Variants in APBA1 observed in about 807,000 individuals in gnomAD.
The protein encoded by APBA1 is amyloid beta precursor protein binding family A member 1.
APBA1 carries 55 observed loss-of-function variants against 86.6 expected under a neutral mutation model. That is an observed-to-expected ratio of 0.64 (90% CI 0.51 to 0.80). The LOEUF is 0.80. Among genes scored for constraint, APBA1 ranks in the 30% least tolerant of loss-of-function variants. APBA1 has a pLI of 0.00. For missense variants in APBA1, 1,090 were observed against 1,183.0 expected (o/e 0.92, Z 1.15); for synonymous variants, 511 against 493.9 (o/e 1.03, Z -0.46).
intron 1 of APBA1, among the ~76,000 whole-genome samples, chr9:69,521,519 C>T (rs1246974280): frequency 2.0e-5 from 3 of 152,088 alleles, no homozygotes; most frequent in Admixed American, 6.6e-5. Flanking sequence ...TTCAGGAAGT[C>T]CCCATTCTAG....
At chr9:69,464,365 A>C (rs1326205023) in intron 5 of APBA1, 1 of 152,280 alleles carries the variant, frequency 6.6e-6, no homozygotes, top group East Asian at 1.9e-4. Flanking sequence ...AATGATACTT[A>C]TAAGTTATAA....
intron 9 of APBA1, among the ~76,000 whole-genome samples, chr9:69,450,816 T>C (rs1422774374): frequency 6.6e-6 from 1 of 151,480 alleles, no homozygotes; most frequent in East Asian, 1.9e-4. Context: ...TTGTCTGTCA[T>C]GGGTATCAAA....
intron 1 of APBA1, among the ~76,000 whole-genome samples, chr9:69,574,505 T>C (rs979604999): frequency 1.3e-5 from 2 of 152,134 alleles, no homozygotes; most frequent in Non-Finnish European, 2.9e-5. Context: ...GCCTGCCCCA[T>C]AAAGCAAATG....
chr9:69,654,073 T>C lies in APBA1; in HGVS notation c.-70+18080A>G, dbSNP rs1197931627. On this transcript the variant is annotated intron_variant, in intron 1 of 12. Transcript: ENST00000265381. The stretch of plus-strand genomic sequence containing the variant: ...GTTGCGGTGAGCCGAGATCACACCA[T>C]TGCACTCCAGCCTCGGCAACGAGAG... Among the ~76,000 whole-genome samples the C allele has an allele frequency of 3.5e-5, 5 of 141,630 alleles. 1 individual carries two copies. The highest frequency in any genetic ancestry group is 7.5e-5 in the Non-Finnish European group (5 of 66,712). 92.9% of individuals were successfully genotyped at this position (141,630 alleles called of 152,430 possible). A position where few individuals can be genotyped will look rare whatever the true frequency, so the allele number is the denominator to read the frequency against.
At chr9:69,671,714 G>A (rs979945429) in intron 1 of APBA1, among the ~76,000 whole-genome samples, 1 of 152,068 alleles carries the variant, frequency 6.6e-6, no homozygotes, top group Non-Finnish European at 1.5e-5. Flanking sequence ...CCACCTCACC[G>A]TTTCCATCAT....
chr9:69,554,603 A>G (rs568850041), intron 1 of APBA1, among the ~76,000 whole-genome samples: 33 of 152,304 alleles, frequency 2.2e-4, no homozygotes, highest in Middle Eastern at 3.4e-3. Flanking sequence ...ATATTATACA[A>G]CAAAGACCTA....
At chr9:69,653,345 A>G (rs1322775563) in intron 1 of APBA1, among the ~76,000 whole-genome samples, 6 of 152,230 alleles carry the variant, frequency 3.9e-5, no homozygotes, top group Admixed American at 3.9e-4. Flanking sequence ...GAGGTTGACT[A>G]CAATACAATA....
At chr9:69,569,763 G>GA (rs955078692) in intron 1 of APBA1, among the ~76,000 whole-genome samples, 1 of 151,622 alleles carries the variant, frequency 6.6e-6, no homozygotes, top group Non-Finnish European at 1.5e-5. Flanking sequence ...GCTTAAAATG[G>GA]AAAAAAATTT....
rs191382074 is a variant in APBA1 at position 69,492,461 on chromosome 9, T to C, written c.1201-16318A>G. ...TCTCGTTTCCTTCCTTATTAAAATT[T>C]TATTCACGGGTAAAATTGAAAAGCA... On this transcript the variant is annotated intron_variant, in intron 2 of 12. Coordinates refer to ENST00000265381, the MANE Select transcript of APBA1 (RefSeq NM_001163.4). Among the ~76,000 whole-genome samples the C allele has an allele frequency of 6.6e-5, 10 of 152,238 alleles. No homozygotes were observed. The East Asian group carries it at 1.9e-3, about 29-fold the overall frequency.
chr9:69,459,240 T>C (rs113764696), intron 5 of APBA1, among the ~76,000 whole-genome samples: 3 of 152,374 alleles, frequency 2.0e-5, no homozygotes, highest in African/African-American at 7.2e-5. Context: ...GGATGTGTCA[T>C]GTGCACTTCA....
At chr9:69,431,466 G>A in intron 12 of APBA1, 68 bp from the exon 13 acceptor site, 3 of 1,418,936 alleles carry the variant, frequency 2.1e-6, no homozygotes, top group Middle Eastern at 1.8e-4. Context: ...CACTGCCCAG[G>A]GCTGGCCAGA....
chr9:69,625,831 T>C (rs1822917699), intron 1 of APBA1, among the ~76,000 whole-genome samples: 1 of 152,190 alleles, frequency 6.6e-6, no homozygotes, highest in South Asian at 2.1e-4. Context: ...GAGCAACATA[T>C]GTCACTGGGC....
intron 1 of APBA1, among the ~76,000 whole-genome samples, chr9:69,576,291 T>A (rs1220230661): frequency 3.9e-5 from 6 of 152,172 alleles, no homozygotes; most frequent in African/African-American, 1.4e-4. Context: ...ATTGTGGAAG[T>A]CAGTGTGGCG....
intron 3 of APBA1, 142 bp downstream of exon 3, chr9:69,475,906 C>A: frequency 1.4e-6 from 1 of 703,386 alleles, no homozygotes; most frequent in South Asian, 1.6e-5. Flanking sequence ...GTGAACTGCA[C>A]ACTGGAGAGG....
At chr9:69,456,058 C>T (rs1835090575) in intron 8 of APBA1, among the ~76,000 whole-genome samples, 189 bp downstream of exon 8, 1 of 152,206 alleles carries the variant, frequency 6.6e-6, no homozygotes, top group Non-Finnish European at 1.5e-5. Context: ...TTTTCTGCCT[C>T]CTTTCAGCCC....
chr9:69,570,397 T>G (rs1490305023), intron 1 of APBA1, among the ~76,000 whole-genome samples: 1 of 152,224 alleles, frequency 6.6e-6, no homozygotes, highest in African/African-American at 2.4e-5. Context: ...AAGGATCTAT[T>G]TGGATCCTCA....
At chr9:69,605,275 A>G (rs1176678740) in intron 1 of APBA1, among the ~76,000 whole-genome samples, 2 of 152,220 alleles carry the variant, frequency 1.3e-5, no homozygotes, top group Admixed American at 6.5e-5. Flanking sequence ...CAGTAAAAAA[A>G]AAAATTATCT....
intron 1 of APBA1, among the ~76,000 whole-genome samples, chr9:69,569,381 G>A (rs550841603): frequency 2.6e-4 from 39 of 152,110 alleles, no homozygotes; most frequent in Non-Finnish European, 5.1e-4. Flanking sequence ...GTGTACAGGA[G>A]GGCTATTTTG....
intron 1 of APBA1, among the ~76,000 whole-genome samples, chr9:69,669,655 G>A (rs1297644024): frequency 6.6e-6 from 1 of 152,184 alleles, no homozygotes; most frequent in Non-Finnish European, 1.5e-5. Context: ...TGTGCCTATT[G>A]TCCCAGCTAC....
Sources: gnomAD v4.1 joint callset for allele counts (sites outside exome capture counted in the v4.1 genomes callset) on GRCh38, gnomAD v4.1.1 for gene constraint, MANE v1.5 for transcripts, NCBI Gene and HGNC (gene_info 2026-07-23, HGNC 2026-07-21) for gene names.